ATP8B4: variants seen among roughly 807,000 people sequenced by gnomAD.
The protein encoded by ATP8B4 is probable phospholipid-transporting ATPase IM.
Under a neutral mutation model 145.6 loss-of-function variants are expected in ATP8B4, and 133 were observed. The observed-to-expected ratio is 0.91, with a 90% confidence interval of 0.79 to 1.05. ATP8B4 has a LOEUF of 1.05. Ranked by LOEUF, ATP8B4 falls within the 50% of genes least tolerant of loss-of-function variation. The probability of loss-of-function intolerance (pLI) is 0.00; values close to 1 mark genes in which losing one functional copy is unlikely to be tolerated. For synonymous variants in ATP8B4, 507 were observed against 492.9 expected (o/e 1.03, Z -0.38); for missense variants, 1,458 against 1,425.2 (o/e 1.02, Z -0.37).
At chr15:50,070,439 C>T (rs2053652082) in intron 3 of ATP8B4, among the ~76,000 whole-genome samples, 1 of 151,988 alleles carries the variant, frequency 6.6e-6, no homozygotes, top group East Asian at 1.9e-4. Flanking sequence ...TTTGATTATC[C>T]CCAACATATA....
chr15:49,917,268 A>C, intron 19 of ATP8B4: 1 of 475,240 alleles, frequency 2.1e-6, no homozygotes, highest in East Asian at 3.3e-5. Flanking sequence ...TAGCAACACT[A>C]ACGAATGTGC....
intron 8 of ATP8B4, among the ~76,000 whole-genome samples, chr15:50,001,642 GACAA>G (rs2047903436): frequency 6.6e-6 from 1 of 151,888 alleles, no homozygotes; most frequent in Non-Finnish European, 1.5e-5. Flanking sequence ...TTTTATGCCA[GACAA>G]ACTAAATCCT....
At chr15:49,863,763 A>C (rs1197236455) in intron 26 of ATP8B4, among the ~76,000 whole-genome samples, 3 of 152,164 alleles carry the variant, frequency 2.0e-5, no homozygotes, top group Non-Finnish European at 4.4e-5. Flanking sequence ...ATGGCTGGGA[A>C]AACAAGCTTC....
chr15:50,048,859 A>G (rs1481797446), intron 3 of ATP8B4, among the ~76,000 whole-genome samples: 3 of 152,208 alleles, frequency 2.0e-5, no homozygotes, highest in Non-Finnish European at 4.4e-5. Flanking sequence ...CTGGGGTGGC[A>G]GCAATGAGCA....
At chr15:49,900,391 C>T (rs2153431674) in intron 21 of ATP8B4, among the ~76,000 whole-genome samples, 1 of 152,266 alleles carries the variant, frequency 6.6e-6, no homozygotes, top group Admixed American at 6.5e-5. Context: ...AAATGATCAT[C>T]AAAGCCAGAG....
At chr15:50,146,306 C>T (rs895168568) in intron 1 of ATP8B4, among the ~76,000 whole-genome samples, 10 of 152,060 alleles carry the variant, frequency 6.6e-5, no homozygotes, top group African/African-American at 2.2e-4. Flanking sequence ...CCACCACGCC[C>T]GGCCTACATT....
chr15:49,871,046 T>C (rs897686072), intron 25 of ATP8B4, among the ~76,000 whole-genome samples: 2 of 152,248 alleles, frequency 1.3e-5, no homozygotes, highest in African/African-American at 2.4e-5. Flanking sequence ...CTTCTACTTA[T>C]CTTTACAAAG....
chr15:50,140,140 A>G (rs1198914671), intron 1 of ATP8B4, among the ~76,000 whole-genome samples: 1 of 152,224 alleles, frequency 6.6e-6, no homozygotes, highest in Non-Finnish European at 1.5e-5. Flanking sequence ...CATGTAAAAA[A>G]ACAAATGCTT....
intron 23 of ATP8B4, chr15:49,896,747 T>C (rs13380041): frequency 1.3e-5 from 2 of 152,336 alleles, no homozygotes; most frequent in African/African-American, 2.4e-5. Context: ...CTTTAATGTA[T>C]AAGAAGCGAT....
intron 4 of ATP8B4, among the ~76,000 whole-genome samples, chr15:50,045,600 A>AT (rs1234643094): frequency 1.3e-5 from 2 of 152,240 alleles, no homozygotes; most frequent in Non-Finnish European, 2.9e-5. Context: ...TCCATGTAAG[A>AT]TTTTTTAAAA....
intron 3 of ATP8B4, among the ~76,000 whole-genome samples, chr15:50,063,905 A>C (rs1027673716): frequency 7.9e-5 from 12 of 152,206 alleles, no homozygotes; most frequent in Admixed American, 2.0e-4. Context: ...AAGCTAAAAC[A>C]ATGGAAAATA....
intron 1 of ATP8B4, among the ~76,000 whole-genome samples, chr15:50,153,038 C>T (rs1567409143): frequency 6.6e-6 from 1 of 152,106 alleles, no homozygotes; most frequent in South Asian, 2.1e-4. Context: ...TATCAAGGAA[C>T]ACCATATTAT....
At chr15:49,899,316 A>G (rs1250668391) in intron 21 of ATP8B4, among the ~76,000 whole-genome samples, 1 of 152,164 alleles carries the variant, frequency 6.6e-6, no homozygotes, top group African/African-American at 2.4e-5. Flanking sequence ...CATTGTGTTC[A>G]TTCCTCTTTT....
At chr15:50,025,023 G>A (rs562666819) in intron 6 of ATP8B4, among the ~76,000 whole-genome samples, 64 of 152,304 alleles carry the variant, frequency 4.2e-4, no homozygotes, top group Non-Finnish European at 8.4e-4. Context: ...GAAAAGAGGA[G>A]TCTAAAATAT....
At chr15:49,979,951 T>C (rs1018296575) in intron 11 of ATP8B4, 138 bp from the exon 12 acceptor site, 26 of 545,250 alleles carry the variant, frequency 4.8e-5, no homozygotes, top group South Asian at 8.1e-5. Context: ...CCATTAATCA[T>C]ATGAATTACG....
intron 6 of ATP8B4, among the ~76,000 whole-genome samples, chr15:50,027,866 A>C (rs565430117): frequency 6.6e-6 from 1 of 152,330 alleles, no homozygotes; most frequent in African/African-American, 2.4e-5. Flanking sequence ...TAATGAAATG[A>C]CTTTGAACTC....
intron 16 of ATP8B4, 150 bp downstream of exon 16, chr15:49,930,969 T>G: frequency 1.3e-6 from 1 of 793,950 alleles, no homozygotes; most frequent in Non-Finnish European, 2.0e-6. Context: ...ACTGCAGTAT[T>G]GAGGCTAGGT....
At chr15:50,055,502 AG>A (rs2052530922) in intron 3 of ATP8B4, among the ~76,000 whole-genome samples, 1 of 152,202 alleles carries the variant, frequency 6.6e-6, no homozygotes, top group Non-Finnish European at 1.5e-5. Flanking sequence ...GAATCCCACA[AG>A]CCCCAGGAGC....
intron 1 of ATP8B4, among the ~76,000 whole-genome samples, chr15:50,135,381 C>T (rs74328406): frequency 0.014 from 2,063 of 152,250 alleles, 12 homozygotes; most frequent in Middle Eastern, 0.02. Context: ...CATCACTTGA[C>T]GGTGTCACAC....
Sources: allele counts gnomAD v4.1 joint callset (sites outside exome capture counted in the v4.1 genomes callset), GRCh38; gene constraint gnomAD v4.1.1; transcripts MANE v1.5; gene names NCBI Gene and HGNC (gene_info 2026-07-23, HGNC 2026-07-21).